Variants in ADGRL2 observed in about 807,000 individuals in gnomAD.
ADGRL2 encodes the protein calcium-independent alpha-latrotoxin receptor 2.
ADGRL2 carries 44 observed loss-of-function variants against 157.4 expected under a neutral mutation model. That is an observed-to-expected ratio of 0.28 (90% confidence interval 0.22 to 0.36). ADGRL2 has a LOEUF of 0.36. ADGRL2 is among the 10% of genes least tolerant of loss of function. The pLI is 1.00. For missense variants in ADGRL2, 1,510 were observed against 1,768.9 expected (o/e 0.85, Z 2.63); for synonymous variants, 585 against 624.7 (o/e 0.94, Z 0.95).
At chr1:81,633,821 A>G (rs1372523183) in intron 3 of ADGRL2, among the ~76,000 whole-genome samples, 1 of 152,010 alleles carries the variant, frequency 6.6e-6, no homozygotes, top group African/African-American at 2.4e-5. Context: ...CTACTGCTAC[A>G]ACATTTATCT....
intron 3 of ADGRL2, among the ~76,000 whole-genome samples, chr1:81,909,202 A>C (rs968301555): frequency 1.3e-5 from 2 of 151,798 alleles, no homozygotes; most frequent in Non-Finnish European, 1.5e-5. Context: ...TATCTGTTTA[A>C]TCTTAGCCCA....
Position 81,344,595 on chromosome 1 carries a change from G to C in ADGRL2, c.-302+38086G>C, listed in dbSNP as rs891808426. Among the ~76,000 whole-genome samples the C allele has an allele frequency of 2.0e-5, 3 of 150,246 alleles. No homozygotes were observed. In the East Asian group the frequency reaches 5.9e-4, roughly 30 times the overall value. On this transcript the variant is annotated intron_variant, in intron 1 of 24. Transcript: ENST00000370721. The stretch of plus-strand genomic sequence containing the variant: ...GCAGGAGAATCACTTGAACCCGGGA[G>C]GCAGAGGTTGCAGTGAGCCGAGATC...
At chr1:81,306,352 G>A (rs375083863) in exon 1 of ADGRL2, 4 of 152,142 alleles carry the variant, frequency 2.6e-5, no homozygotes, top group African/African-American at 9.7e-5. Context: ...GAGGTCACTC[G>A]TTCACAGCCG....
intron 2 of ADGRL2, among the ~76,000 whole-genome samples, chr1:81,905,974 G>C (rs1216598251): frequency 6.6e-6 from 1 of 150,962 alleles, no homozygotes; most frequent in African/African-American, 2.4e-5. Context: ...GTGTGTGTGT[G>C]TGTGTGTGTG....
At chr1:81,339,909 T>C (rs115937162) in intron 1 of ADGRL2, among the ~76,000 whole-genome samples, 2,320 of 152,314 alleles carry the variant, frequency 0.015, 58 homozygotes, top group African/African-American at 0.053. Context: ...CTGTAGTTCT[T>C]ACCTACGTTT....
chr1:81,892,049 G>T (rs1284010908), intron 2 of ADGRL2, among the ~76,000 whole-genome samples: 1 of 151,462 alleles, frequency 6.6e-6, no homozygotes, highest in African/African-American at 2.4e-5. Context: ...GTTTCTATTA[G>T]AGTAGTGCTT....
intron 1 of ADGRL2, among the ~76,000 whole-genome samples, chr1:81,747,243 GTA>G (rs1462544213): frequency 1.4e-5 from 2 of 146,756 alleles, no homozygotes; most frequent in Admixed American, 6.9e-5. Context: ...ACATATATAT[GTA>G]TATGTGTGTA....
At position 81,340,893 on chromosome 1, in the gene ADGRL2, G is replaced by GTT. The variant is rs34286374; in HGVS notation, c.-302+34397_-302+34398dup. Among the ~76,000 whole-genome samples, 274 of 145,242 alleles carry GTT rather than the reference G, an allele frequency of 1.9e-3. 2 individuals carry two copies. The highest frequency in any genetic ancestry group is 3.8e-3 in the African/African-American group (153 of 39,784). ...CATGGAAAGTTGTGAGGGAGCAAAG[G>GTT]TTTTTTTTTTTTTTAAATGGAACCT... On this transcript the variant is annotated intron_variant, in intron 1 of 24. Coordinates refer to the ADGRL2 transcript ENST00000370721.
chr1:81,912,228 T>C (rs2094745269), intron 3 of ADGRL2, among the ~76,000 whole-genome samples: 2 of 151,702 alleles, frequency 1.3e-5, no homozygotes, highest in African/African-American at 4.8e-5. Context: ...CGCACCACTG[T>C]GCCCGGCTAA....
Position 81,992,552 on chromosome 1 carries a change from T to G in ADGRL2, c.*1407T>G, listed in dbSNP as rs1300334738. 6.6e-6 allele frequency: 1 copy of G among 152,302 alleles called. No individual in the cohort carries two copies. Among genetic ancestry groups the G allele is most frequent in the Non-Finnish European group, 1.5e-5 (1 of 68,036 alleles). 9.4% of individuals were successfully genotyped at this position (152,302 alleles called of 1,614,324 possible). On this transcript the variant is annotated 3_prime_UTR_variant, in exon 24 of 24. Transcript: ENST00000686636. ...AAAGGATACAATTAAGTTGCCTGTT[T>G]GTTCTTTATGCTGAAAGGAATATAT...
chr1:81,402,105 T>C (rs181482797), intron 1 of ADGRL2, among the ~76,000 whole-genome samples: 106 of 152,294 alleles, frequency 7.0e-4, no homozygotes, highest in Non-Finnish European at 1.3e-3. Flanking sequence ...AATTAGTCTG[T>C]CTTCCTTCTT....
At chr1:81,521,178 T>C (rs2079306295) in intron 2 of ADGRL2, among the ~76,000 whole-genome samples, 3 of 152,190 alleles carry the variant, frequency 2.0e-5, no homozygotes, top group African/African-American at 4.8e-5. Flanking sequence ...GGGAAACACA[T>C]GGCAGCTGAT....
At chr1:81,426,365 C>T (rs1040066839) in intron 1 of ADGRL2, 2 of 281,174 alleles carry the variant, frequency 7.1e-6, no homozygotes, top group South Asian at 3.2e-5. Flanking sequence ...TAGAGAGGTC[C>T]TTCTTGCTTC....
At chr1:81,900,982 A>G (rs284225) in intron 2 of ADGRL2, among the ~76,000 whole-genome samples, 118,715 of 152,088 alleles carry the variant, frequency 0.78, 46,605 homozygotes, top group East Asian at 0.94. Flanking sequence ...ACACACTGTG[A>G]GGGCAGAGAT....
intron 2 of ADGRL2, among the ~76,000 whole-genome samples, chr1:81,848,402 A>G (rs2092876752): frequency 6.6e-6 from 1 of 151,806 alleles, no homozygotes; most frequent in Non-Finnish European, 1.5e-5. Flanking sequence ...AGATGAAGAA[A>G]CTAAGGCCTG....
chr1:81,403,701 A>C (rs1233632326), intron 1 of ADGRL2, among the ~76,000 whole-genome samples: 1 of 152,174 alleles, frequency 6.6e-6, no homozygotes, highest in South Asian at 2.1e-4. Flanking sequence ...ACATTTACAT[A>C]CATTCTGCAG....
chr1:81,569,519 G>A (rs2080638176), intron 2 of ADGRL2, among the ~76,000 whole-genome samples: 1 of 152,166 alleles, frequency 6.6e-6, no homozygotes, highest in African/African-American at 2.4e-5. Flanking sequence ...CAAGATGTCA[G>A]CATGTAGGCC....
At chr1:81,439,496 A>C (rs774374050) in intron 1 of ADGRL2, among the ~76,000 whole-genome samples, 1 of 152,144 alleles carries the variant, frequency 6.6e-6, no homozygotes, top group Non-Finnish European at 1.5e-5. Context: ...TACTCCCTCT[A>C]TTAGGCATGC....
chr1:81,683,902 C>T (rs979532682), intron 3 of ADGRL2, among the ~76,000 whole-genome samples: 83 of 152,114 alleles, frequency 5.5e-4, no homozygotes, highest in Admixed American at 7.2e-4. Context: ...CTGCAACCTC[C>T]GCCTCCCAAG....
Sources: gnomAD v4.1 joint callset for allele counts (sites outside exome capture counted in the v4.1 genomes callset) on GRCh38, gnomAD v4.1.1 for gene constraint, MANE v1.5 for transcripts, NCBI Gene and HGNC (gene_info 2026-07-23, HGNC 2026-07-21) for gene names.